The following SLC39A11 variants were observed in gnomAD, a reference collection of about 807,000 sequenced individuals.
SLC39A11 encodes zinc transporter ZIP11.
SLC39A11 carries 33 observed loss-of-function variants against 36.1 expected under a neutral mutation model. The ratio of observed to expected loss-of-function variants is 0.91; its 90% CI spans 0.69 to 1.22. SLC39A11 has a LOEUF of 1.22. Ranked by LOEUF, SLC39A11 falls within the 50% of genes most tolerant of loss-of-function variation. The pLI, the probability that SLC39A11 is intolerant of heterozygous loss-of-function variation, is 0.00. For synonymous variants in SLC39A11, 166 were observed against 170.3 expected (o/e 0.97, Z 0.20); for missense variants, 432 against 430.3 (o/e 1.00, Z -0.03).
At chr17:72,879,813 GA>G (rs1174675170) in intron 5 of SLC39A11, among the ~76,000 whole-genome samples, 1 of 152,204 alleles carries the variant, frequency 6.6e-6, no homozygotes, top group African/African-American at 2.4e-5. Flanking sequence ...CAGGAATTCA[GA>G]AATTCCAGTG....
intron 6 of SLC39A11, among the ~76,000 whole-genome samples, chr17:72,847,410 A>T (rs1192794172): frequency 7.9e-5 from 12 of 151,698 alleles, no homozygotes; most frequent in Non-Finnish European, 8.8e-5. Flanking sequence ...TCATAAAAAA[A>T]AAAAAAAAAA....
At chr17:72,871,437 G>A (rs1188226958) in intron 5 of SLC39A11, among the ~76,000 whole-genome samples, 1 of 152,164 alleles carries the variant, frequency 6.6e-6, no homozygotes, top group Non-Finnish European at 1.5e-5. Context: ...AGGATGGGGG[G>A]CGCTGTTTGC....
In SLC39A11 at chr17:72,714,049, G is replaced by A. The variant is rs191007777; in HGVS notation, c.671+22601C>T. Reference sequence around the variant, plus strand: ...ATATTAGGTTTGCCGCAAAATTGTGGGTTTTGGCTGGGTGCAGTGGCTCAG... The same window carrying A: ...ATATTAGGTTTGCCGCAAAATTGTGAGTTTTGGCTGGGTGCAGTGGCTCAG... On this transcript the variant is annotated intron_variant, in intron 7 of 9. Transcript: ENST00000255559. Among the ~76,000 whole-genome samples, 310 of 152,300 alleles carry A rather than the reference G, an allele frequency of 2.0e-3. 1 individual carries two copies. The highest frequency in any genetic ancestry group is 7.3e-3 in the African/African-American group (302 of 41,568).
chr17:73,010,158 G>T (rs570258329), intron 4 of SLC39A11, among the ~76,000 whole-genome samples: 4 of 152,142 alleles, frequency 2.6e-5, no homozygotes, highest in Admixed American at 1.3e-4. Context: ...GCAGGTGCCT[G>T]GGCCTCACCC....
At chr17:73,019,831 T>C (rs1423697903) in intron 4 of SLC39A11, among the ~76,000 whole-genome samples, 1 of 152,148 alleles carries the variant, frequency 6.6e-6, no homozygotes, top group African/African-American at 2.4e-5. Flanking sequence ...ACGGAGATCC[T>C]TGGACTAGAT....
intron 6 of SLC39A11, among the ~76,000 whole-genome samples, chr17:72,800,738 A>G (rs72843299): frequency 0.074 from 11,275 of 152,200 alleles, 463 homozygotes; most frequent in African/African-American, 0.1. Flanking sequence ...AGAGGCAGAG[A>G]GCGATGGCTC....
At chr17:72,863,906 A>G (rs1288062987) in intron 5 of SLC39A11, among the ~76,000 whole-genome samples, 1 of 152,190 alleles carries the variant, frequency 6.6e-6, no homozygotes, top group East Asian at 1.9e-4. Context: ...ACGTCACCAA[A>G]TGACTTTAAC....
Position 72,805,876 on chromosome 17 carries a change from G to C in SLC39A11, c.601+43758C>G, listed in dbSNP as rs2008813. Among the ~76,000 whole-genome samples, 1,472 of 151,780 alleles carry C rather than the reference G, an allele frequency of 9.7e-3. 33 individuals carry two copies. The highest frequency in any genetic ancestry group is 0.035 in the African/African-American group (1,426 of 41,312). ...CAATTCTCCTGCCTCAGTCTCCTAAGTATCTGGGACTACAGGCACCTGCCA... is the reference window on the plus strand; with the variant it reads ...CAATTCTCCTGCCTCAGTCTCCTAACTATCTGGGACTACAGGCACCTGCCA... On this transcript the variant is annotated intron_variant, in intron 6 of 9. Coordinates refer to ENST00000255559, the MANE Select transcript of SLC39A11 (RefSeq NM_139177.4).
chr17:73,046,683 C>T (rs981181867), intron 3 of SLC39A11, among the ~76,000 whole-genome samples: 4 of 152,132 alleles, frequency 2.6e-5, no homozygotes, highest in African/African-American at 9.7e-5. Flanking sequence ...CACAGTGACT[C>T]ACACCCCCAG....
chr17:73,055,280 T>C (rs531435745), intron 3 of SLC39A11, among the ~76,000 whole-genome samples: 33 of 152,170 alleles, frequency 2.2e-4, no homozygotes, highest in African/African-American at 7.7e-4. Flanking sequence ...ATGCACATAT[T>C]TGGGCACATT....
chr17:72,919,533 G>A (rs1012995359), intron 5 of SLC39A11, among the ~76,000 whole-genome samples: 4 of 152,072 alleles, frequency 2.6e-5, no homozygotes, highest in Admixed American at 6.5e-5. Context: ...GGAACCGGGC[G>A]TGGTGGCGGG....
intron 1 of SLC39A11, among the ~76,000 whole-genome samples, chr17:73,090,815 T>C (rs145600469): frequency 5.9e-5 from 9 of 152,230 alleles, no homozygotes; most frequent in Non-Finnish European, 1.3e-4. Flanking sequence ...CCCATGTATA[T>C]CTGAGCACCC....
At chr17:73,063,643 T>C (rs973373861) in intron 3 of SLC39A11, among the ~76,000 whole-genome samples, 1 of 151,856 alleles carries the variant, frequency 6.6e-6, no homozygotes, top group African/African-American at 2.4e-5. Flanking sequence ...AAATTAAAAA[T>C]AAAACCTATG....
intron 6 of SLC39A11, among the ~76,000 whole-genome samples, chr17:72,796,231 G>T (rs1290607826): frequency 6.6e-6 from 1 of 152,102 alleles, no homozygotes; most frequent in Non-Finnish European, 1.5e-5. Context: ...ACACGAGACA[G>T]AAGAGCCGGG....
intron 6 of SLC39A11, among the ~76,000 whole-genome samples, chr17:72,759,033 G>A (rs755143353): frequency 2.0e-5 from 3 of 151,970 alleles, no homozygotes; most frequent in South Asian, 2.1e-4. Flanking sequence ...CCCGGGAGGC[G>A]GAGGTTGCAG....
chr17:72,872,944 A>C (rs1014483090), intron 5 of SLC39A11, among the ~76,000 whole-genome samples: 1 of 151,252 alleles, frequency 6.6e-6, no homozygotes, highest in Non-Finnish European at 1.5e-5. Flanking sequence ...AGTCCCAGCT[A>C]CTCGGAGGCT....
intron 6 of SLC39A11, among the ~76,000 whole-genome samples, chr17:72,845,677 G>A (rs2079015477): frequency 2.0e-5 from 3 of 152,184 alleles, no homozygotes; most frequent in African/African-American, 7.2e-5. Context: ...TAGAAGGCCA[G>A]AGATCTTGGT....
At chr17:72,773,780 C>A (rs1257503957) in intron 6 of SLC39A11, among the ~76,000 whole-genome samples, 3 of 151,938 alleles carry the variant, frequency 2.0e-5, no homozygotes, top group Non-Finnish European at 4.4e-5. Flanking sequence ...CATTAAAATA[C>A]AACATAAATA....
At position 72,834,866 on chromosome 17, in the gene SLC39A11, G is replaced by A. The variant is rs151209920; in HGVS notation, c.601+14768C>T. 1.2e-4 allele frequency among the ~76,000 whole-genome samples: 19 copies of A among 152,286 alleles called. No homozygotes were observed. The East Asian group carries it at 3.1e-3, about 25-fold the overall frequency. Reference sequence around the variant, plus strand: ...TCTTGATTTTAACCCCAATCCTAGCGCAGCATTAGACTTTCACTCTGGCTG... The same window carrying A: ...TCTTGATTTTAACCCCAATCCTAGCACAGCATTAGACTTTCACTCTGGCTG... On this transcript the variant is annotated intron_variant, in intron 6 of 9. Transcript: ENST00000255559.
Sources: gnomAD v4.1 joint callset for allele counts (sites outside exome capture counted in the v4.1 genomes callset) on GRCh38, gnomAD v4.1.1 for gene constraint, MANE v1.5 for transcripts, NCBI Gene and HGNC (gene_info 2026-07-23, HGNC 2026-07-21) for gene names.